The following CAMK2D variants were observed in gnomAD, a reference collection of about 807,000 sequenced individuals.
CAMK2D encodes calcium/calmodulin-dependent protein kinase type II subunit delta.
CAMK2D carries 37 observed loss-of-function variants against 84.0 expected under a neutral mutation model. The observed-to-expected ratio is 0.44, with a 90% CI of 0.34 to 0.58. The LOEUF (loss-of-function observed/expected upper bound fraction) is 0.58. CAMK2D is among the 20% of genes least tolerant of loss of function. The pLI is 0.02. For missense variants in CAMK2D, 448 were observed against 652.5 expected (o/e 0.69, Z 3.41); for synonymous variants, 202 against 212.5 (o/e 0.95, Z 0.43).
intron 2 of CAMK2D, among the ~76,000 whole-genome samples, chr4:113,742,549 T>C (rs2148938433): frequency 6.7e-6 from 1 of 149,770 alleles, no homozygotes; most frequent in Admixed American, 6.6e-5. Flanking sequence ...CACACCTACC[T>C]CAATAACAAT....
intron 16 of CAMK2D, among the ~76,000 whole-genome samples, chr4:113,479,986 G>A (rs1003811401): frequency 1.3e-5 from 2 of 152,108 alleles, no homozygotes; most frequent in African/African-American, 2.4e-5. Context: ...TTTAGAGATG[G>A]AGTCTAACTC....
chr4:113,577,054 A>T (rs2098786379), intron 4 of CAMK2D, among the ~76,000 whole-genome samples: 1 of 151,978 alleles, frequency 6.6e-6, no homozygotes, highest in Admixed American at 6.6e-5. Context: ...ATTGATTTGT[A>T]TTTTGTTTTT....
chr4:113,632,950 C>A (rs2099095930), intron 3 of CAMK2D, among the ~76,000 whole-genome samples: 1 of 152,182 alleles, frequency 6.6e-6, no homozygotes, highest in African/African-American at 2.4e-5. Flanking sequence ...TAAAGTCAGC[C>A]TTATGGTTTT....
chr4:113,686,804 T>A (rs1276335316), intron 2 of CAMK2D, among the ~76,000 whole-genome samples: 1 of 152,108 alleles, frequency 6.6e-6, no homozygotes, highest in African/African-American at 2.4e-5. Context: ...CAAGCTTTCA[T>A]GAGTTTTAAG....
At chr4:113,505,257 C>T (rs1180345975) in intron 13 of CAMK2D, among the ~76,000 whole-genome samples, 4 of 152,174 alleles carry the variant, frequency 2.6e-5, no homozygotes, top group African/African-American at 4.8e-5. Flanking sequence ...AGAAAACAGA[C>T]GTGTCTGCTG....
intron 2 of CAMK2D, among the ~76,000 whole-genome samples, chr4:113,730,506 G>A (rs949078202): frequency 6.6e-6 from 1 of 152,160 alleles, no homozygotes; most frequent in Non-Finnish European, 1.5e-5. Context: ...TAGGTAGAAA[G>A]ACATCTTCTA....
At chr4:113,690,672 T>G (rs1158159938) in intron 2 of CAMK2D, among the ~76,000 whole-genome samples, 1 of 152,234 alleles carries the variant, frequency 6.6e-6, no homozygotes, top group Non-Finnish European at 1.5e-5. Flanking sequence ...CTCTCCCATT[T>G]AAAAATATCT....
At chr4:113,699,110 C>T (rs2099411097) in intron 2 of CAMK2D, among the ~76,000 whole-genome samples, 1 of 152,048 alleles carries the variant, frequency 6.6e-6, no homozygotes, top group Admixed American at 6.6e-5. Flanking sequence ...CTGGGCTTAT[C>T]TACTGGCAAA....
At chr4:113,671,049 TTTTTG>T (rs1383721883) in intron 2 of CAMK2D, among the ~76,000 whole-genome samples, 1 of 152,234 alleles carries the variant, frequency 6.6e-6, no homozygotes, top group African/African-American at 2.4e-5. Context: ...TGTTTTTCTT[TTTTTG>T]TTTTCTTATT....
chr4:113,563,069 C>T (rs912609780), intron 4 of CAMK2D, among the ~76,000 whole-genome samples: 49 of 152,116 alleles, frequency 3.2e-4, no homozygotes, highest in African/African-American at 1.2e-3. Flanking sequence ...GGCTAGCCAA[C>T]ATGGTGAAAC....
intron 4 of CAMK2D, among the ~76,000 whole-genome samples, chr4:113,588,415 G>T (rs1591600364): frequency 6.6e-6 from 1 of 152,152 alleles, no homozygotes; most frequent in Non-Finnish European, 1.5e-5. Context: ...AGACAACACT[G>T]CCTCTATTTA....
chr4:113,613,894 G>A (rs188299805), intron 3 of CAMK2D, among the ~76,000 whole-genome samples: 42 of 152,058 alleles, frequency 2.8e-4, no homozygotes, highest in East Asian at 1.4e-3. Flanking sequence ...GAGAGAGAGC[G>A]AGCGAGAGAG....
chr4:113,508,338 C>T, intron 13 of CAMK2D: 3 of 1,110,234 alleles, frequency 2.7e-6, no homozygotes, highest in Non-Finnish European at 4.0e-6. Flanking sequence ...AGTATCAAAG[C>T]ATGGAGTATA....
chr4:113,518,479 G>A (rs750315182), intron 8 of CAMK2D, among the ~76,000 whole-genome samples: 3 of 152,102 alleles, frequency 2.0e-5, no homozygotes, highest in African/African-American at 4.8e-5. Flanking sequence ...CTAAATGTCT[G>A]AGATTGTTTT....
chr4:113,589,343 T>G (rs2098848555), intron 4 of CAMK2D, among the ~76,000 whole-genome samples: 1 of 151,974 alleles, frequency 6.6e-6, no homozygotes, highest in Admixed American at 6.6e-5. Flanking sequence ...CTGTGGAGAT[T>G]CAAGATATAT....
chr4:113,677,106 C>T (rs2099321707), intron 2 of CAMK2D, among the ~76,000 whole-genome samples: 1 of 152,190 alleles, frequency 6.6e-6, no homozygotes, highest in Non-Finnish European at 1.5e-5. Flanking sequence ...ATACTAATCG[C>T]TCCTCTGTCT....
At chr4:113,747,319 T>TTC (rs1554093408) in intron 2 of CAMK2D, among the ~76,000 whole-genome samples, 3 of 147,260 alleles carry the variant, frequency 2.0e-5, no homozygotes, top group South Asian at 2.1e-4. Context: ...TTTTTTTTTT[T>TTC]AAATTCAATA....
intron 13 of CAMK2D, among the ~76,000 whole-genome samples, chr4:113,506,929 A>G (rs1230603132): frequency 1.3e-5 from 2 of 150,756 alleles, no homozygotes; most frequent in African/African-American, 2.5e-5. Context: ...ACATTCACAC[A>G]CAGATACACA....
intron 2 of CAMK2D, among the ~76,000 whole-genome samples, chr4:113,704,403 T>C (rs2099434634): frequency 6.6e-6 from 1 of 152,184 alleles, no homozygotes; most frequent in African/African-American, 2.4e-5. Flanking sequence ...AAGAGAAAAT[T>C]AATTTTCCTC....
Sources: allele counts gnomAD v4.1 joint callset (sites outside exome capture counted in the v4.1 genomes callset), GRCh38; gene constraint gnomAD v4.1.1; transcripts MANE v1.5; gene names NCBI Gene and HGNC (gene_info 2026-07-23, HGNC 2026-07-21).